The following C11orf16 variants were observed in gnomAD, a reference collection of about 807,000 sequenced individuals.
C11orf16 encodes chromosome 11 open reading frame 16, also known as uncharacterized protein C11orf16.
C11orf16 carries 38 observed loss-of-function variants against 45.1 expected under a neutral mutation model. The observed-to-expected ratio is 0.84, with a 90% CI of 0.65 to 1.10. C11orf16 has a LOEUF of 1.10. Ranked by LOEUF, C11orf16 falls within the 50% of genes least tolerant of loss-of-function variation. C11orf16 has a pLI of 0.00. For missense variants in C11orf16, 583 were observed against 569.5 expected, an observed-to-expected ratio of 1.02 and a Z score of -0.24; for synonymous variants, 221 against 222.0, an observed-to-expected ratio of 1.00 and a Z score of 0.04.
In C11orf16 at chr11:8,925,986, C is replaced by G; in HGVS notation, c.681G>C (p.Lys227Asn). 1.2e-6 allele frequency: 2 copies of G among 1,614,098 alleles called. No homozygotes were observed. Reference sequence around the variant, plus strand: ...GCCTGGGGTGCTCCCTGGTGAAAGACTTGTGCAGCCTCTCCACAGCCTTCT... The same window carrying G: ...GCCTGGGGTGCTCCCTGGTGAAAGAGTTGTGCAGCCTCTCCACAGCCTTCT... ...IWKKAVERLH[K>N]SFTREHPRPL... Residue 227 changes from lysine to asparagine, a missense_variant, in exon 5 of 7, where the codon AAG becomes AAC. Physicochemically the swap from Lys to Asn is moderately conservative, Grantham distance 94. Transcript: ENST00000326053.
rs908377848 is a variant in C11orf16, at chr11:8,925,356, C to T, written c.1204+107G>A. On this transcript the variant is annotated intron_variant, in intron 5 of 6. Transcript: ENST00000326053. ...CCAGACTCCCAAGGATTACTGCAGT[C>T]CCAACAGAGTGGACACGTGCATCAA... 64 of 1,023,830 alleles carry T rather than the reference C, an allele frequency of 6.3e-5. No homozygotes were observed. The East Asian group carries it at 1.5e-3, about 24-fold the overall frequency. The allele number at this position is 1,023,830 out of a possible 1,614,324, so 63.4% of individuals were successfully genotyped here.
Position 8,926,066 on chromosome 11 carries a change from T to C in C11orf16, c.601A>G (p.Lys201Glu). 2 of 1,612,500 alleles carry C rather than the reference T, an allele frequency of 1.2e-6. No individual in the cohort carries two copies. Among genetic ancestry groups the C allele is most frequent in the Non-Finnish European group, 1.7e-6 (2 of 1,178,886 alleles). ...CCACCTAGGGGCACTTTAGCAGCTT[T>C]GCCATTCCAGAAATGAACAGTGATT... ...KEITVHFWNG[K>E]AAKVPLGGVQ... The change falls in exon 5 of 7, where the codon AAA (lysine) becomes GAA (glutamate). Residue 201 changes from lysine to glutamate, a missense_variant. Physicochemically the swap from Lys to Glu is moderately conservative, Grantham distance 56 (BLOSUM62 1). Coordinates refer to ENST00000326053, the MANE Select transcript of C11orf16 (RefSeq NM_020643.3).
intron 5 of C11orf16, among the ~76,000 whole-genome samples, chr11:8,922,700 G>A (rs561823425): frequency 9.8e-5 from 15 of 152,316 alleles, no homozygotes; most frequent in East Asian, 1.9e-4. Flanking sequence ...TCGACAGAAC[G>A]GATATCAAGT....
At chr11:8,924,151 A>G (rs1012259174) in intron 5 of C11orf16, among the ~76,000 whole-genome samples, 17 of 152,132 alleles carry the variant, frequency 1.1e-4, no homozygotes, top group African/African-American at 3.9e-4. Flanking sequence ...AGGAGTCACC[A>G]GGAAAGCTTC....
Position 8,932,291 on chromosome 11 carries a change from C to T in C11orf16, c.18G>A (p.Gly6=), listed in dbSNP as rs2064655355. 1.9e-6 allele frequency: 3 copies of T among 1,606,022 alleles called. No individual in the cohort carries two copies. The highest frequency in any genetic ancestry group is 2.5e-6 in the Non-Finnish European group (3 of 1,176,552). Reference sequence around the variant, plus strand: ...AGTATTTGAGCAAAGGCATCCTGGGCCCCGTGGAGGATTCCATGGCCTTCA... The same window carrying T: ...AGTATTTGAGCAAAGGCATCCTGGGTCCCGTGGAGGATTCCATGGCCTTCA... MESST[G]PRMPLLKYCS... Residue 6 remains glycine, a synonymous_variant, in exon 2 of 7, where the codon GGG becomes GGA. Coordinates refer to ENST00000326053, the MANE Select transcript of C11orf16 (RefSeq NM_020643.3).
chr11:8,926,523 G>A (rs756547053), intron 4 of C11orf16, among the ~76,000 whole-genome samples: 5 of 151,766 alleles, frequency 3.3e-5, no homozygotes, highest in Non-Finnish European at 7.4e-5. Flanking sequence ...TGGCCTGCAG[G>A]GGCTCACTTT....
chr11:8,927,566 G>A (rs563912490), intron 3 of C11orf16: 12 of 457,328 alleles, frequency 2.6e-5, no homozygotes, highest in African/African-American at 1.8e-4. Context: ...AAGAAGCGTC[G>A]CTCCTGTGTC....
In C11orf16 at chr11:8,927,502, C is replaced by T. The variant is rs866737669; in HGVS notation, c.325-328G>A. 4 of 427,658 alleles carry T rather than the reference C, an allele frequency of 9.4e-6. No homozygotes were observed. In the Middle Eastern group the frequency reaches 1.4e-3, roughly 151 times the overall value. 26.5% of individuals were successfully genotyped at this position (427,658 alleles called of 1,614,324 possible). A position where few individuals can be genotyped will look rare whatever the true frequency, so the allele number is the denominator to read the frequency against. On this transcript the variant is annotated intron_variant, in intron 3 of 6. Transcript: ENST00000326053. ...TTTGACCTGCAATTGCCAGGAGTTA[C>T]CTGGGTCCTCCCTGGACCTTTTCTC... is the stretch of plus-strand genomic sequence containing the variant.
At chr11:8,921,912 GT>G (rs2064577705) in intron 5 of C11orf16, among the ~76,000 whole-genome samples, 2 of 152,158 alleles carry the variant, frequency 1.3e-5, no homozygotes, top group African/African-American at 2.4e-5. Context: ...AAGTGTTGCA[GT>G]TACAGGTATA....
chr11:8,926,247 TA>T, intron 4 of C11orf16, 140 bp from the exon 5 acceptor site: 1 of 830,156 alleles, frequency 1.2e-6, no homozygotes, highest in Middle Eastern at 3.8e-4. Context: ...GGCACAGTGA[TA>T]GCTCACTGCA....
chr11:8,931,749 C>T (rs1396756901), intron 2 of C11orf16, among the ~76,000 whole-genome samples: 1 of 152,168 alleles, frequency 6.6e-6, no homozygotes, highest in African/African-American at 2.4e-5. Context: ...TGGACTCGAA[C>T]TCCTGACCTC....
Position 8,932,192 on chromosome 11 carries a change from G to A in C11orf16, c.117C>T (p.Tyr39=). The change falls in exon 2 of 7, where the codon TAC becomes TAT. Residue 39 remains tyrosine (Y), a synonymous_variant. Transcript: ENST00000326053. The part of the protein sequence containing the change: ...AAPPWDLSFT[Y]PFALQAPWLT... Reference sequence around the variant, plus strand: ...GCCAGGGTGCTTGGAGGGCAAAGGGGTAGGTGAAGGAGAGGTCCCAAGGTG... The same window carrying A: ...GCCAGGGTGCTTGGAGGGCAAAGGGATAGGTGAAGGAGAGGTCCCAAGGTG... The A allele has an allele frequency of 6.3e-7, 1 of 1,594,278 alleles. No homozygotes were observed.
At chr11:8,932,067 G>T (rs2064652973) in intron 2 of C11orf16, 75 bp downstream of exon 2, 2 of 1,419,308 alleles carry the variant, frequency 1.4e-6, no homozygotes, top group Admixed American at 2.7e-5. Context: ...GTCCACCAAG[G>T]TCTACCACCA....
rs1265536802 is a variant in C11orf16, at chr11:8,927,619, T to C, written c.325-445A>G. 3 of 457,022 alleles carry C rather than the reference T, an allele frequency of 6.6e-6. No individual in the cohort carries two copies. The East Asian group carries it at 2.1e-4, about 32-fold the overall frequency. The allele number at this position is 457,022 out of a possible 1,614,324, so 28.3% of individuals were successfully genotyped here. ...GTGTCCAAGACCAACAGGATGGTTG[T>C]TCACCTATGAGGCTCATGTAGGCAA... On this transcript the variant is annotated intron_variant, in intron 3 of 6. Transcript: ENST00000326053.
rs770255258 is a variant in C11orf16 at position 8,925,674 on chromosome 11, G to T, written c.993C>A (p.Pro331=). The T allele has an allele frequency of 6.2e-7, 1 of 1,614,256 alleles. No individual in the cohort carries two copies. The highest frequency in any genetic ancestry group is 8.5e-7 in the Non-Finnish European group (1 of 1,180,050). ...AGGATGAGGAGGAAGAAACAGCCAG[G>T]GGAGCGTGCATTGCTACTTTCTCCT... The part of the protein sequence containing the change: ...PKEEKVAMHA[P]LAVSSSSSSS... Residue 331 remains proline (P), a synonymous_variant, in exon 5 of 7, where the codon CCC becomes CCA. Coordinates refer to ENST00000326053, the MANE Select transcript of C11orf16 (RefSeq NM_020643.3).
At chr11:8,924,579 C>G (rs2064596310) in intron 5 of C11orf16, among the ~76,000 whole-genome samples, 2 of 152,184 alleles carry the variant, frequency 1.3e-5, no homozygotes, top group African/African-American at 4.8e-5. Flanking sequence ...CTGAGCAGTC[C>G]TTCTGGCTCA....
At chr11:8,926,396 G>A (rs748621445) in intron 4 of C11orf16, among the ~76,000 whole-genome samples, 4 of 151,926 alleles carry the variant, frequency 2.6e-5, no homozygotes, top group South Asian at 2.1e-4. Flanking sequence ...CTCTGGCTGC[G>A]TGGCTCCTCA....
In C11orf16 at chr11:8,929,626, C is replaced by T. The variant is rs2064637741; in HGVS notation, c.168-93G>A. ...TCGCAGGTACATCTGAGGTACACCACAGCACATGAGGCATGCGGAACAGAA... is the reference window on the plus strand; with the variant it reads ...TCGCAGGTACATCTGAGGTACACCATAGCACATGAGGCATGCGGAACAGAA... On this transcript the variant is annotated intron_variant, in intron 2 of 6. Transcript: ENST00000326053. 5 of 1,197,028 alleles carry T rather than the reference C, an allele frequency of 4.2e-6. No individual in the cohort carries two copies. The South Asian group carries it at 6.2e-5, about 15-fold the overall frequency. 74.2% of individuals were successfully genotyped at this position (1,197,028 alleles called of 1,614,324 possible). A position where few individuals can be genotyped will look rare whatever the true frequency, so the allele number is the denominator to read the frequency against.
intron 4 of C11orf16, 49 bp downstream of exon 4, chr11:8,926,891 A>G (rs910882603): frequency 2.7e-6 from 4 of 1,493,200 alleles, no homozygotes; most frequent in Middle Eastern, 2.3e-4. Context: ...TGGCCTGATT[A>G]CAGCCTGGCT....
Sources: allele counts gnomAD v4.1 joint callset (sites outside exome capture counted in the v4.1 genomes callset), GRCh38; gene constraint gnomAD v4.1.1; transcripts MANE v1.5; gene names NCBI Gene and HGNC (gene_info 2026-07-23, HGNC 2026-07-21).